CAV1: variants seen among roughly 807,000 people sequenced by gnomAD.
The protein encoded by CAV1 is caveolin 1.
Under a neutral mutation model 16.5 loss-of-function variants are expected in CAV1, and 10 were observed. That is an observed-to-expected ratio of 0.61 (90% CI 0.37 to 1.03). The LOEUF is 1.03. Ranked by LOEUF, CAV1 falls within the 50% of genes least tolerant of loss-of-function variation. The probability of loss-of-function intolerance (pLI) is 0.01; values close to 1 mark genes in which losing one functional copy is unlikely to be tolerated. For missense variants in CAV1, 212 were observed against 232.8 expected (o/e 0.91, Z 0.58); for synonymous variants, 76 against 85.1 (o/e 0.89, Z 0.59).
At chr7:116,555,549 A>G (rs1438182601) in intron 2 of CAV1, among the ~76,000 whole-genome samples, 9 of 57,514 alleles carry the variant, frequency 1.6e-4, no homozygotes, top group Admixed American at 5.3e-4. Flanking sequence ...AGAGAGAAAG[A>G]AAGAAAGAAA....
At chr7:116,530,197 G>C (rs1312417307) in intron 2 of CAV1, among the ~76,000 whole-genome samples, 2 of 85,068 alleles carry the variant, frequency 2.4e-5, no homozygotes, top group East Asian at 5.6e-4. Context: ...GAAACTGATT[G>C]GTCCTTTTTC....
intron 2 of CAV1, among the ~76,000 whole-genome samples, chr7:116,535,721 TTGA>T (rs1269450663): frequency 7.2e-5 from 11 of 152,200 alleles, no homozygotes; most frequent in Admixed American, 3.9e-4. Context: ...GGGAACTATG[TTGA>T]TGTTTCAGAT....
chr7:116,525,213 C>T (rs1433038637), intron 1 of CAV1, 121 bp downstream of exon 1: 1 of 1,613,110 alleles, frequency 6.2e-7, no homozygotes, highest in East Asian at 2.2e-5. Context: ...TCGGAGCACT[C>T]CTCTGGCGTT....
At chr7:116,534,395 A>ATTT (rs1159703159) in intron 2 of CAV1, among the ~76,000 whole-genome samples, 30 of 7,772 alleles carry the variant, frequency 3.9e-3, no homozygotes, top group Non-Finnish European at 5.6e-3. Context: ...ATATATATAT[A>ATTT]TTTTTTTTTT....
At chr7:116,539,551 A>G (rs1421591558) in intron 2 of CAV1, among the ~76,000 whole-genome samples, 1 of 152,240 alleles carries the variant, frequency 6.6e-6, no homozygotes, top group Non-Finnish European at 1.5e-5. Flanking sequence ...TGTTGGAAAA[A>G]AAAATTCAAG....
intron 2 of CAV1, among the ~76,000 whole-genome samples, chr7:116,549,083 A>C (rs1247422377): frequency 6.6e-6 from 1 of 152,184 alleles, no homozygotes; most frequent in East Asian, 1.9e-4. Context: ...GCACAGACAC[A>C]TATACACAGA....
intron 2 of CAV1, among the ~76,000 whole-genome samples, chr7:116,534,733 G>A (rs1298462691): frequency 6.6e-6 from 1 of 151,976 alleles, no homozygotes; most frequent in Non-Finnish European, 1.5e-5. Flanking sequence ...TAGAGGTGGA[G>A]CCTGAGTATC....
At chr7:116,542,949 A>G (rs10241283) in intron 2 of CAV1, 30,129 of 152,152 alleles carry the variant, frequency 0.2, 3,266 homozygotes, top group Middle Eastern at 0.28. Context: ...GGACAGGCAG[A>G]CATCATTCTT....
At chr7:116,556,014 G>A (rs141906664) in intron 2 of CAV1, among the ~76,000 whole-genome samples, 117 of 152,096 alleles carry the variant, frequency 7.7e-4, no homozygotes, top group African/African-American at 2.6e-3. Flanking sequence ...TGTTATTTTT[G>A]TCATGTTGCT....
chr7:116,536,875 C>T (rs1388206687), intron 2 of CAV1, among the ~76,000 whole-genome samples: 2 of 151,500 alleles, frequency 1.3e-5, no homozygotes, highest in East Asian at 1.9e-4. Flanking sequence ...CGGTGGCGGG[C>T]GCCTGTAGTC....
chr7:116,531,708 A>C (rs1228038481), intron 2 of CAV1, among the ~76,000 whole-genome samples: 1 of 152,230 alleles, frequency 6.6e-6, no homozygotes, highest in African/African-American at 2.4e-5. Context: ...GTCTAGCATT[A>C]GGTTTAAAAG....
intron 2 of CAV1, among the ~76,000 whole-genome samples, chr7:116,546,706 A>AAAAAAAATAAATAAAT (rs1228507425): frequency 6.6e-6 from 1 of 151,410 alleles, no homozygotes; most frequent in Non-Finnish European, 1.5e-5. Flanking sequence ...ACAAAAAAAA[A>AAAAAAAATAAATAAAT]AAAAAAAAGT....
At chr7:116,555,762 G>T (rs2116096044) in intron 2 of CAV1, among the ~76,000 whole-genome samples, 1 of 151,936 alleles carries the variant, frequency 6.6e-6, no homozygotes, top group East Asian at 1.9e-4. Flanking sequence ...ATATTGCTAT[G>T]CTCTGCACCC....
Position 116,526,511 on chromosome 7 carries a change from T to G in CAV1, c.31-14T>G. 1 of 1,613,566 alleles carries G rather than the reference T, an allele frequency of 6.2e-7. No individual in the cohort carries two copies. Among genetic ancestry groups the G allele is most frequent in the South Asian group, 1.1e-5 (1 of 91,030 alleles). ...CCCTCCCCGTCCTGGCCGTCCGCCC[T>G]CCGCCCTCTGCAGGGACATCTCTAC... On this transcript the variant is annotated splice_polypyrimidine_tract_variant and intron_variant, in intron 1 of 2. Transcript: ENST00000341049.
chr7:116,539,911 C>T (rs1793902563), intron 2 of CAV1, among the ~76,000 whole-genome samples: 1 of 152,118 alleles, frequency 6.6e-6, no homozygotes, highest in Non-Finnish European at 1.5e-5. Context: ...AGTCCCCTGG[C>T]AAGGGAGGGG....
chr7:116,546,702 A>AAAAAAAAAAAAAAAT lies in CAV1; in HGVS notation c.196-12232_196-12231insAATAAAAAAAAAAAA, dbSNP rs1554356427. On this transcript the variant is annotated intron_variant, in intron 2 of 2. Coordinates refer to ENST00000341049, the MANE Select transcript of CAV1 (RefSeq NM_001753.5). ...ACAAGAATGAGACTCTGTCACAAAA[A>AAAAAAAAAAAAAAAT]AAAAAAAAAAAAGTCTGCAGGCTGC... Among the ~76,000 whole-genome samples the AAAAAAAAAAAAAAAT allele has an allele frequency of 2.0e-4, 29 of 143,054 alleles. 1 individual carries two copies. The highest frequency in any genetic ancestry group is 3.5e-3 in the Middle Eastern group (1 of 282). 93.8% of individuals were successfully genotyped at this position (143,054 alleles called of 152,430 possible). A position where few individuals can be genotyped will look rare whatever the true frequency, so the allele number is the denominator to read the frequency against.
intron 2 of CAV1, among the ~76,000 whole-genome samples, chr7:116,528,624 G>A (rs1793620766): frequency 6.6e-6 from 1 of 151,982 alleles, no homozygotes; most frequent in South Asian, 2.1e-4. Flanking sequence ...TGCAAATTCT[G>A]CCCAAAGAGT....
At chr7:116,545,990 G>A (rs556066383) in intron 2 of CAV1, among the ~76,000 whole-genome samples, 2 of 152,240 alleles carry the variant, frequency 1.3e-5, no homozygotes, top group South Asian at 2.1e-4. Context: ...TATCTGGGAC[G>A]GAACTTTCAA....
chr7:116,546,533 TA>T (rs536587642), intron 2 of CAV1, among the ~76,000 whole-genome samples: 378 of 137,912 alleles, frequency 2.7e-3, no homozygotes, highest in Admixed American at 3.1e-3. Context: ...CTACTAAAAA[TA>T]AAAAAAAAAA....
Sources: allele counts gnomAD v4.1 joint callset (sites outside exome capture counted in the v4.1 genomes callset), GRCh38; gene constraint gnomAD v4.1.1; transcripts MANE v1.5; gene names NCBI Gene and HGNC (gene_info 2026-07-23, HGNC 2026-07-21).